The following COL14A1 variants were observed in gnomAD, a reference collection of about 807,000 sequenced individuals.
COL14A1 encodes collagen alpha-1(XIV) chain.
Under a neutral mutation model 230.3 loss-of-function variants are expected in COL14A1, and 136 were observed. That is an observed-to-expected ratio of 0.59 (90% CI 0.51 to 0.68). The LOEUF (loss-of-function observed/expected upper bound fraction) is 0.68, where lower values mean the gene tolerates loss of function less well. Ranked by LOEUF, COL14A1 falls within the 30% of genes least tolerant of loss-of-function variation. COL14A1 has a pLI of 0.00. For synonymous variants in COL14A1, 792 were observed against 784.1 expected, an observed-to-expected ratio of 1.01 and a Z score of -0.17; for missense variants, 1,976 against 2,215.8, an observed-to-expected ratio of 0.89 and a Z score of 2.17.
intron 14 of COL14A1, among the ~76,000 whole-genome samples, chr8:120,224,023 C>CTTTTCTTTTTTTT (rs1818014701): frequency 1.3e-5 from 1 of 78,252 alleles, no homozygotes; most frequent in Non-Finnish European, 2.2e-5. Context: ...CCCTCATCTC[C>CTTTTCTTTTTTTT]TTTTTTTTTT....
At chr8:120,195,447 C>T (rs1817002758) in intron 5 of COL14A1, among the ~76,000 whole-genome samples, 1 of 152,102 alleles carries the variant, frequency 6.6e-6, no homozygotes. Flanking sequence ...CAAAGTTAAG[C>T]AGTTCTTTGG....
intron 40 of COL14A1, among the ~76,000 whole-genome samples, chr8:120,328,831 T>A (rs1821773944): frequency 6.6e-6 from 1 of 152,212 alleles, no homozygotes; most frequent in Admixed American, 6.5e-5. Context: ...TGCCTCCTTC[T>A]GTGAAAAAGA....
intron 45 of COL14A1, among the ~76,000 whole-genome samples, chr8:120,348,253 A>G (rs1195336256): frequency 1.3e-5 from 2 of 148,632 alleles, no homozygotes; most frequent in East Asian, 1.9e-4. Flanking sequence ...ATGTATATAT[A>G]TGAAGCATAT....
chr8:120,203,013 T>TATATATATATATATATAC (rs1554606350), intron 8 of COL14A1, among the ~76,000 whole-genome samples: 1 of 126,494 alleles, frequency 7.9e-6, no homozygotes, highest in African/African-American at 2.9e-5. Context: ...TATATATATA[T>TATATATATATATATATAC]ATATATATTT....
chr8:120,161,794 G>T (rs1815680190), intron 3 of COL14A1, among the ~76,000 whole-genome samples: 1 of 152,088 alleles, frequency 6.6e-6, no homozygotes, highest in African/African-American at 2.4e-5. Flanking sequence ...CTCCTGAGTA[G>T]CTGGGACTAC....
Position 120,250,813 on chromosome 8 carries a change from T to C in COL14A1, c.2752+47T>C, listed in dbSNP as rs756270599. ...CTCAGCCGCATATGGGTTTTTGTTT[T>C]GTTTTGTTTTTTGAGATGGAGTCTC... On this transcript the variant is annotated intron_variant, in intron 22 of 47. Coordinates refer to ENST00000297848, the MANE Select transcript of COL14A1 (RefSeq NM_021110.4). The C allele has an allele frequency of 8.1e-6, 13 of 1,605,430 alleles. No homozygotes were observed. The Admixed American group carries it at 8.5e-5, about 10-fold the overall frequency.
intron 1 of COL14A1, among the ~76,000 whole-genome samples, chr8:120,134,255 TAAA>T (rs1814637697): frequency 6.6e-6 from 1 of 151,990 alleles, no homozygotes. Context: ...AAAGAAAACT[TAAA>T]AGAAAATATT....
intron 15 of COL14A1, among the ~76,000 whole-genome samples, chr8:120,225,496 T>C (rs1563682367): frequency 6.6e-6 from 1 of 152,180 alleles, no homozygotes; most frequent in Non-Finnish European, 1.5e-5. Context: ...TCTTTTACTT[T>C]CATTCCTTAG....
At chr8:120,183,884 G>A (rs762321254) in intron 5 of COL14A1, among the ~76,000 whole-genome samples, 23 of 151,318 alleles carry the variant, frequency 1.5e-4, no homozygotes, top group African/African-American at 4.9e-4. Context: ...TCCTTTCTCC[G>A]AAATACTTCT....
At chr8:120,140,109 T>C (rs898316086) in intron 1 of COL14A1, among the ~76,000 whole-genome samples, 3 of 152,198 alleles carry the variant, frequency 2.0e-5, no homozygotes, top group East Asian at 1.9e-4. Flanking sequence ...ATTTCATTGA[T>C]AAAGAGCAGA....
intron 4 of COL14A1, among the ~76,000 whole-genome samples, chr8:120,166,448 G>A (rs1815877054): frequency 6.6e-6 from 1 of 152,114 alleles, no homozygotes; most frequent in Admixed American, 6.6e-5. Context: ...ATCTTTGCCT[G>A]CAAATTCCTG....
chr8:120,266,771 G>T, intron 24 of COL14A1, 56 bp from the exon 25 acceptor site: 1 of 1,409,546 alleles, frequency 7.1e-7, no homozygotes. Context: ...ATGACCTTCC[G>T]CTCTTCCCCA....
intron 42 of COL14A1, among the ~76,000 whole-genome samples, chr8:120,335,447 C>T (rs1822024921): frequency 6.6e-6 from 1 of 152,144 alleles, no homozygotes; most frequent in South Asian, 2.1e-4. Context: ...TGGGCATTTC[C>T]TCTCAAAAGC....
At chr8:120,156,308 T>G (rs1217432687) in intron 2 of COL14A1, among the ~76,000 whole-genome samples, 1 of 152,194 alleles carries the variant, frequency 6.6e-6, no homozygotes, top group East Asian at 1.9e-4. Context: ...TAGCTGGGAC[T>G]ACAGGCGTGT....
At chr8:120,320,630 A>G (rs1424743587) in intron 40 of COL14A1, among the ~76,000 whole-genome samples, 2 of 152,218 alleles carry the variant, frequency 1.3e-5, no homozygotes, top group Non-Finnish European at 2.9e-5. Flanking sequence ...AAGATTCATG[A>G]TAATTATTCC....
At chr8:120,310,108 C>T (rs771512488) in intron 37 of COL14A1, 46 bp downstream of exon 37, 3 of 1,587,928 alleles carry the variant, frequency 1.9e-6, no homozygotes, top group Non-Finnish European at 1.7e-6. Flanking sequence ...CTCTCTCTCT[C>T]TCTCATAAAT....
chr8:120,354,886 A>C (rs1822922410), intron 45 of COL14A1, among the ~76,000 whole-genome samples: 2 of 151,980 alleles, frequency 1.3e-5, no homozygotes, highest in South Asian at 4.2e-4. Context: ...TTTCCTTGTC[A>C]CTTGTTCTTC....
At chr8:120,233,288 T>A (rs892368482) in intron 19 of COL14A1, among the ~76,000 whole-genome samples, 1 of 152,144 alleles carries the variant, frequency 6.6e-6, no homozygotes, top group African/African-American at 2.4e-5. Context: ...CCCATTTGTC[T>A]ATTTTGGCTT....
chr8:120,159,210 C>G (rs762985373), intron 3 of COL14A1, among the ~76,000 whole-genome samples: 1 of 152,186 alleles, frequency 6.6e-6, no homozygotes, highest in Non-Finnish European at 1.5e-5. Context: ...CCTCTTCAAC[C>G]AGCGTCTGAA....
Sources: allele counts gnomAD v4.1 joint callset (sites outside exome capture counted in the v4.1 genomes callset), GRCh38; gene constraint gnomAD v4.1.1; transcripts MANE v1.5; gene names NCBI Gene and HGNC (gene_info 2026-07-23, HGNC 2026-07-21).